The following DGLUCY variants were observed in gnomAD, a reference collection of about 807,000 sequenced individuals.
DGLUCY encodes the protein D-glutamate cyclase, mitochondrial.
A neutral mutation model predicts 58.5 loss-of-function variants in DGLUCY; 58 were observed. That is an observed-to-expected ratio of 0.99 (90% confidence interval 0.80 to 1.23). The LOEUF is 1.23. DGLUCY is among the 50% of genes most tolerant of loss of function. DGLUCY has a pLI of 0.00. For synonymous variants in DGLUCY, 325 were observed against 314.1 expected (o/e 1.03, Z -0.37); for missense variants, 779 against 784.7 (o/e 0.99, Z 0.09).
intron 13 of DGLUCY, among the ~76,000 whole-genome samples, chr14:91,222,444 A>G (rs1887653142): frequency 6.6e-6 from 1 of 152,210 alleles, no homozygotes; most frequent in Non-Finnish European, 1.5e-5. Context: ...TGGAGAAGAG[A>G]AGCGAGAGGA....
chr14:91,204,759 A>C lies in DGLUCY; in HGVS notation c.1498A>C (p.Arg500=), dbSNP rs1314286268. ...LGMGKVKEAV[R]RHIRHGDVIA... Reference sequence around the variant, plus strand: ...GATGGGTAAAGTCAAGGAGGCTGTGAGGAGGCACATACGGCACGGGGATGT... The same window carrying C: ...GATGGGTAAAGTCAAGGAGGCTGTGCGGAGGCACATACGGCACGGGGATGT... Residue 500 remains arginine, a synonymous_variant, in exon 12 of 14, where the codon AGG becomes CGG. Coordinates refer to ENST00000256324, the MANE Select transcript of DGLUCY (RefSeq NM_001102368.3). 5 of 1,614,132 alleles carry C rather than the reference A, an allele frequency of 3.1e-6. No homozygotes were observed. In the African/African-American group the frequency reaches 5.3e-5, roughly 17 times the overall value.
intron 11 of DGLUCY, among the ~76,000 whole-genome samples, chr14:91,202,686 G>T (rs72699636): frequency 0.08 from 12,116 of 152,170 alleles, 549 homozygotes; most frequent in South Asian, 0.16. Flanking sequence ...TGTGGCTACA[G>T]GGGCAAACAG....
In DGLUCY at chr14:91,182,618, C is replaced by T. The variant is rs116252528; in HGVS notation, c.934+1229C>T. On this transcript the variant is annotated intron_variant, in intron 8 of 13. Coordinates refer to ENST00000256324, the MANE Select transcript of DGLUCY (RefSeq NM_001102368.3). ...TGTCCTCTATGGATTTAGTGATGTC[C>T]CTAATCTCCCCCTTTAGTGCCATTG... 4.9e-3 allele frequency among the ~76,000 whole-genome samples: 751 copies of T among 152,182 alleles called. 4 individuals are homozygous for T. Among genetic ancestry groups the T allele is most frequent in the African/African-American group, 0.017 (705 of 41,500 alleles).
intron 1 of DGLUCY, among the ~76,000 whole-genome samples, chr14:91,100,140 T>G (rs1057260057): frequency 6.6e-6 from 1 of 151,986 alleles, no homozygotes; most frequent in African/African-American, 2.4e-5. Context: ...TAACATTTGA[T>G]GAGCCCAAGT....
At chr14:91,167,823 G>A (rs1174234204) in intron 4 of DGLUCY, 8 of 615,716 alleles carry the variant, frequency 1.3e-5, no homozygotes, top group South Asian at 3.9e-5. Context: ...CCTCTCCCAC[G>A]AGTCTACCTT....
chr14:91,124,699 A>G (rs547128680), intron 1 of DGLUCY, among the ~76,000 whole-genome samples: 1 of 152,334 alleles, frequency 6.6e-6, no homozygotes, highest in East Asian at 1.9e-4. Flanking sequence ...TACCTGCTGT[A>G]CTTGAGACAT....
At chr14:91,068,806 T>C (rs2043869568) in intron 1 of DGLUCY, among the ~76,000 whole-genome samples, 1 of 152,154 alleles carries the variant, frequency 6.6e-6, no homozygotes, top group African/African-American at 2.4e-5. Flanking sequence ...AAGGAAACTC[T>C]CAGAACCTCA....
chr14:91,199,998 A>G, intron 11 of DGLUCY, 93 bp downstream of exon 11: 1 of 1,518,156 alleles, frequency 6.6e-7, no homozygotes. Context: ...TCTGTCACCC[A>G]GGCTGGAGTG....
intron 5 of DGLUCY, among the ~76,000 whole-genome samples, chr14:91,172,360 T>C (rs898488725): frequency 1.3e-5 from 2 of 152,220 alleles, no homozygotes; most frequent in African/African-American, 4.8e-5. Context: ...ATTACAGGCA[T>C]GAACCACTGT....
At chr14:91,061,227 C>T (rs1054915059) in intron 1 of DGLUCY, among the ~76,000 whole-genome samples, 5 of 152,320 alleles carry the variant, frequency 3.3e-5, no homozygotes, top group Non-Finnish European at 7.3e-5. Context: ...AAAGGTCTTA[C>T]TCGCTCTAGT....
At chr14:91,084,311 T>C (rs2044175918) in intron 1 of DGLUCY, among the ~76,000 whole-genome samples, 1 of 151,738 alleles carries the variant, frequency 6.6e-6, no homozygotes, top group African/African-American at 2.4e-5. Context: ...TCAAGAGATT[T>C]TCGTGCCTCA....
chr14:91,194,180 T>G (rs1160069050), intron 9 of DGLUCY, among the ~76,000 whole-genome samples: 6 of 152,222 alleles, frequency 3.9e-5, no homozygotes, highest in Non-Finnish European at 5.9e-5. Flanking sequence ...AGCATGTCAT[T>G]GCCCTGTCGC....
chr14:91,189,267 C>T, intron 9 of DGLUCY, 97 bp downstream of exon 9: 1 of 1,463,296 alleles, frequency 6.8e-7, no homozygotes, highest in South Asian at 1.3e-5. Flanking sequence ...ATTCTCCTTC[C>T]AGCTCAGAAC....
chr14:91,106,726 C>G (rs1439672365), upstream of DGLUCY, among the ~76,000 whole-genome samples: 2 of 148,666 alleles, frequency 1.3e-5, no homozygotes, highest in East Asian at 4.0e-4. Context: ...AAAAAACTCA[C>G]TTATGAATGT....
chr14:91,159,283 C>G (rs759624687), intron 2 of DGLUCY, among the ~76,000 whole-genome samples: 2 of 152,018 alleles, frequency 1.3e-5, no homozygotes, highest in African/African-American at 4.8e-5. Context: ...CTCGCCTCTA[C>G]TAAAAATACA....
Position 91,215,282 on chromosome 14 carries a change from C to CCAGATGATACTGGTG in DGLUCY, c.1565-121_1565-107dup. On this transcript the variant is annotated intron_variant, in intron 12 of 13. Transcript: ENST00000256324. Reference sequence around the variant, plus strand: ...AAGAATTTGTGTTTCTAGCAAGCTCCCAGATGATACTGGTGCTACGGGACC... The same window carrying CCAGATGATACTGGTG: ...AAGAATTTGTGTTTCTAGCAAGCTCCCAGATGATACTGGTGCAGATGATACTGGTGCTACGGGACC... 2.1e-6 allele frequency: 3 copies of CCAGATGATACTGGTG among 1,456,346 alleles called. No homozygotes were observed. In the East Asian group the frequency reaches 7.1e-5, roughly 34 times the overall value. The allele number at this position is 1,456,346 out of a possible 1,614,324, so 90.2% of individuals were successfully genotyped here. A position where few individuals can be genotyped will look rare whatever the true frequency, so the allele number is the denominator to read the frequency against.
At chr14:91,110,003 C>T (rs942130389), upstream of DGLUCY, among the ~76,000 whole-genome samples, 8 of 152,206 alleles carry the variant, frequency 5.3e-5, no homozygotes, top group African/African-American at 1.4e-4. Context: ...TAAATAGCTA[C>T]GATTACTTGG....
In DGLUCY at chr14:91,205,754, C is replaced by CTTTTCTTCTTCTTCTTCTTCTTCTTCT. The variant is rs1555406030; in HGVS notation, c.1564+930_1564+931insTTTCTTCTTCTTCTTCTTCTTCTTCTT. On this transcript the variant is annotated intron_variant, in intron 12 of 13. Coordinates refer to ENST00000256324, the MANE Select transcript of DGLUCY (RefSeq NM_001102368.3). ...TCATTTTCAAGTAGGCCAGGGCATT[C>CTTTTCTTCTTCTTCTTCTTCTTCTTCT]TCTTCTTCTTCTTCTTCTTCTTCTT... 2.9e-4 allele frequency among the ~76,000 whole-genome samples: 38 copies of CTTTTCTTCTTCTTCTTCTTCTTCTTCT among 129,728 alleles called. 1 individual carries two copies. The highest frequency in any genetic ancestry group is 1.1e-3 in the African/African-American group (37 of 32,678). 85.1% of individuals were successfully genotyped at this position (129,728 alleles called of 152,430 possible).
intron 1 of DGLUCY, among the ~76,000 whole-genome samples, chr14:91,068,071 A>ACG (rs200959400): frequency 5.9e-4 from 32 of 54,662 alleles, no homozygotes; most frequent in Admixed American, 3.0e-3. Context: ...ACACACACAC[A>ACG]CGCGCACGCA....
Sources: gnomAD v4.1 joint callset for allele counts (sites outside exome capture counted in the v4.1 genomes callset) on GRCh38, gnomAD v4.1.1 for gene constraint, MANE v1.5 for transcripts, NCBI Gene and HGNC (gene_info 2026-07-23, HGNC 2026-07-21) for gene names.